FAM169A: variants seen among roughly 807,000 people sequenced by gnomAD.
FAM169A encodes family with sequence similarity 169 member A.
In FAM169A, 24 loss-of-function variants were observed where a neutral mutation model predicts 75.7. The observed-to-expected ratio is 0.32, with a 90% CI of 0.23 to 0.45. FAM169A has a LOEUF of 0.45. Ranked by LOEUF, FAM169A falls within the 20% of genes least tolerant of loss-of-function variation. FAM169A has a pLI of 1.00. For synonymous variants in FAM169A, 271 were observed against 271.0 expected (o/e 1.00, Z 0.00); for missense variants, 673 against 784.0 (o/e 0.86, Z 1.69).
At chr5:74,823,349 C>A (rs1472926728) in intron 5 of FAM169A, among the ~76,000 whole-genome samples, 2 of 152,248 alleles carry the variant, frequency 1.3e-5, no homozygotes, top group South Asian at 4.1e-4. Context: ...CTTTCCCTTC[C>A]CCCTTCTCTT....
intron 1 of FAM169A, among the ~76,000 whole-genome samples, chr5:74,860,850 A>T (rs994852869): frequency 2.0e-5 from 3 of 146,850 alleles, no homozygotes; most frequent in African/African-American, 7.9e-5. Context: ...AAAAAAAAAA[A>T]GTCTAGGCCG....
intron 1 of FAM169A, among the ~76,000 whole-genome samples, chr5:74,863,504 C>T (rs573405204): frequency 6.6e-6 from 1 of 152,300 alleles, no homozygotes; most frequent in East Asian, 1.9e-4. Flanking sequence ...ATCCTTTATA[C>T]AGAATCCTTG....
chr5:74,796,186 T>C lies in FAM169A; in HGVS notation c.1104A>G (p.Lys368=). The change falls in exon 11 of 13, where the codon AAA becomes AAG. Residue 368 remains lysine (K), a splice_region_variant and synonymous_variant. Transcript: ENST00000687041. ...CTGATGGGCGTGCAGTAGACTCCAA[T>C]CTAAAAAACAAAAGAAAACCATTCT... ...SQTSLTASIN[K]LESTARPSES... 6.3e-7 allele frequency: 1 copy of C among 1,596,198 alleles called. No individual in the cohort carries two copies. Among genetic ancestry groups the C allele is most frequent in the Non-Finnish European group, 8.5e-7 (1 of 1,175,202 alleles).
At chr5:74,800,084 A>C in intron 10 of FAM169A, 2 of 662,570 alleles carry the variant, frequency 3.0e-6, no homozygotes, top group South Asian at 1.5e-5. Context: ...TTTGAAGCTG[A>C]GTGAGCCTCC....
At chr5:74,809,501 CAGG>C (rs147490011) in intron 6 of FAM169A, among the ~76,000 whole-genome samples, 3,659 of 152,154 alleles carry the variant, frequency 0.024, 148 homozygotes, top group African/African-American at 0.084. Flanking sequence ...GAGGCTGAGA[CAGG>C]AGAATGGCGT....
chr5:74,823,458 C>T (rs953064462), intron 5 of FAM169A, among the ~76,000 whole-genome samples: 3 of 152,116 alleles, frequency 2.0e-5, no homozygotes, highest in African/African-American at 7.2e-5. Flanking sequence ...CAAAGACTGC[C>T]ATTGTTGATA....
rs1275081772 is a variant in FAM169A at position 74,779,602 on chromosome 5, T to C, written c.*1858A>G. On this transcript the variant is annotated 3_prime_UTR_variant, in exon 13 of 13. Coordinates refer to ENST00000687041, the MANE Select transcript of FAM169A (RefSeq NM_001376049.1). The stretch of plus-strand genomic sequence containing the variant: ...TAAAACAGCATAAATGTTTGGTAGA[T>C]TCACTAATAGTAGTCATACTTTTTT... 1 of 152,022 alleles carries C rather than the reference T, an allele frequency of 6.6e-6. No homozygotes were observed. Among genetic ancestry groups the C allele is most frequent in the East Asian group, 1.9e-4 (1 of 5,200 alleles). 9.4% of individuals were successfully genotyped at this position (152,022 alleles called of 1,614,324 possible).
chr5:74,824,738 CACAA>C (rs1027579466), intron 5 of FAM169A, among the ~76,000 whole-genome samples: 10 of 151,616 alleles, frequency 6.6e-5, no homozygotes, highest in Admixed American at 3.3e-4. Flanking sequence ...CATACACACA[CACAA>C]ACACACTTTC....
At chr5:74,829,692 C>T (rs1192548459) in intron 5 of FAM169A, among the ~76,000 whole-genome samples, 1 of 151,900 alleles carries the variant, frequency 6.6e-6, no homozygotes, top group Non-Finnish European at 1.5e-5. Context: ...ACAAGAAGCC[C>T]GACAGGCGTG....
intron 5 of FAM169A, among the ~76,000 whole-genome samples, chr5:74,828,345 C>A (rs956554949): frequency 2.0e-5 from 3 of 152,108 alleles, no homozygotes; most frequent in African/African-American, 7.2e-5. Context: ...TCCCTGCCTT[C>A]TTTTTTCTTT....
chr5:74,804,202 T>C (rs932298576), intron 8 of FAM169A, among the ~76,000 whole-genome samples: 2 of 152,166 alleles, frequency 1.3e-5, no homozygotes, highest in African/African-American at 4.8e-5. Context: ...TAACAGTGGC[T>C]ATATCTGAAT....
chr5:74,818,661 G>A (rs1747597647), intron 5 of FAM169A, among the ~76,000 whole-genome samples: 1 of 143,232 alleles, frequency 7.0e-6, no homozygotes, highest in South Asian at 2.2e-4. Context: ...ACACTAATAG[G>A]CAGCAAAGTG....
intron 1 of FAM169A, among the ~76,000 whole-genome samples, chr5:74,855,554 A>G (rs1749664652): frequency 6.6e-6 from 1 of 152,112 alleles, no homozygotes; most frequent in Non-Finnish European, 1.5e-5. Context: ...GTACCTTTTC[A>G]TATACCAGTT....
Position 74,782,025 on chromosome 5 carries a change from T to TG in FAM169A, c.1465-18dup. The stretch of plus-strand genomic sequence containing the variant: ...ACGTGGGGTCTGAAAATTAAAAACC[T>TG]GGTCAACAAATAAACTTGTACTACA... On this transcript the variant is annotated splice_polypyrimidine_tract_variant and intron_variant, in intron 12 of 12. Transcript: ENST00000687041. 6.3e-7 allele frequency: 1 copy of TG among 1,580,906 alleles called. No individual in the cohort carries two copies. The highest frequency in any genetic ancestry group is 8.6e-7 in the Non-Finnish European group (1 of 1,161,558).
intron 11 of FAM169A, among the ~76,000 whole-genome samples, chr5:74,791,711 G>C (rs991000348): frequency 1.3e-5 from 2 of 152,150 alleles, no homozygotes; most frequent in Admixed American, 6.5e-5. Flanking sequence ...AACTACAACA[G>C]CCCAATCCAG....
chr5:74,790,208 G>A (rs1223569627), intron 11 of FAM169A, among the ~76,000 whole-genome samples: 1 of 152,172 alleles, frequency 6.6e-6, no homozygotes, highest in Non-Finnish European at 1.5e-5. Flanking sequence ...CAGAGGAAGA[G>A]AAGACTAGGG....
Position 74,780,461 on chromosome 5 carries a change from A to G in FAM169A, c.*999T>C, listed in dbSNP as rs1745357117. ...CAGAAGTAGATGAAAGCTGTGGGGG[A>G]ATATAAATAAGACTGTAGAATTAGG... On this transcript the variant is annotated 3_prime_UTR_variant, in exon 13 of 13. Coordinates refer to ENST00000687041, the MANE Select transcript of FAM169A (RefSeq NM_001376049.1). 6.6e-6 allele frequency: 1 copy of G among 152,222 alleles called. No individual in the cohort carries two copies. Among genetic ancestry groups the G allele is most frequent in the African/African-American group, 2.4e-5 (1 of 41,444 alleles). 9.4% of individuals were successfully genotyped at this position (152,222 alleles called of 1,614,324 possible).
intron 5 of FAM169A, among the ~76,000 whole-genome samples, chr5:74,822,222 C>T (rs1475393255): frequency 6.6e-6 from 1 of 152,168 alleles, no homozygotes; most frequent in African/African-American, 2.4e-5. Context: ...TTCCTCATCC[C>T]TTACATCTTC....
intron 4 of FAM169A, among the ~76,000 whole-genome samples, chr5:74,837,683 C>G (rs906811736): frequency 6.6e-6 from 1 of 152,036 alleles, no homozygotes; most frequent in Admixed American, 6.6e-5. Flanking sequence ...TTCCTTGTTT[C>G]TTCTGACTGG....
Sources: gnomAD v4.1 joint callset for allele counts (sites outside exome capture counted in the v4.1 genomes callset) on GRCh38, gnomAD v4.1.1 for gene constraint, MANE v1.5 for transcripts, NCBI Gene and HGNC (gene_info 2026-07-23, HGNC 2026-07-21) for gene names.